GPC6: variants seen among roughly 807,000 people sequenced by gnomAD.
GPC6 encodes the protein glypican-6.
A neutral mutation model predicts 55.2 loss-of-function variants in GPC6; 14 were observed. The ratio of observed to expected loss-of-function variants is 0.25; its 90% CI spans 0.17 to 0.40. The LOEUF is 0.40. Among genes scored for constraint, GPC6 ranks in the 10% least tolerant of loss-of-function variants. The pLI is 1.00. For missense variants in GPC6, 641 were observed against 708.5 expected (o/e 0.90, Z 1.08); for synonymous variants, 278 against 259.6 (o/e 1.07, Z -0.68).
chr13:93,534,347 T>A (rs1045584937), intron 1 of GPC6, among the ~76,000 whole-genome samples: 25 of 152,096 alleles, frequency 1.6e-4, no homozygotes, highest in Non-Finnish European at 4.4e-5. Flanking sequence ...AAGCCAAAAG[T>A]TAGTTGGCTG....
intron 1 of GPC6, among the ~76,000 whole-genome samples, chr13:93,312,061 A>C (rs1268091203): frequency 6.6e-6 from 1 of 152,242 alleles, no homozygotes; most frequent in African/African-American, 2.4e-5. Flanking sequence ...TGGCTTAGAA[A>C]GTACATAAGC....
chr13:93,499,134 CAT>C (rs1244545888), intron 1 of GPC6, among the ~76,000 whole-genome samples: 6 of 151,134 alleles, frequency 4.0e-5, no homozygotes, highest in African/African-American at 7.3e-5. Flanking sequence ...CACATACACA[CAT>C]GTTTTGAGGG....
At chr13:94,078,854 TA>T (rs2138793286) in intron 4 of GPC6, among the ~76,000 whole-genome samples, 1 of 151,976 alleles carries the variant, frequency 6.6e-6, no homozygotes, top group East Asian at 1.9e-4. Context: ...CAAACCCTTT[TA>T]AAAAATTGGA....
At chr13:93,969,962 A>T (rs926557304) in intron 3 of GPC6, among the ~76,000 whole-genome samples, 9 of 152,120 alleles carry the variant, frequency 5.9e-5, no homozygotes, top group African/African-American at 2.2e-4. Flanking sequence ...ACCAGGTGTG[A>T]TTATGTTCAT....
At chr13:93,217,363 C>A in the GPC6 span, among the ~76,000 whole-genome samples, 1 of 152,126 alleles carries the variant, frequency 6.6e-6, no homozygotes, top group African/African-American at 2.4e-5. Flanking sequence ...TGAAATATTT[C>A]TTGGGCAAAT....
chr13:93,463,767 T>C (rs1878798353), intron 1 of GPC6, among the ~76,000 whole-genome samples: 1 of 151,664 alleles, frequency 6.6e-6, no homozygotes, highest in Non-Finnish European at 1.5e-5. Flanking sequence ...TCTTTTTTCA[T>C]ACAAAGACAG....
chr13:94,213,286 G>T (rs2138991706), intron 4 of GPC6, among the ~76,000 whole-genome samples: 1 of 152,218 alleles, frequency 6.6e-6, no homozygotes, highest in South Asian at 2.1e-4. Context: ...CATGACTAAG[G>T]TCAATAAAAA....
intron 1 of GPC6, among the ~76,000 whole-genome samples, chr13:93,243,734 T>C (rs1415398499): frequency 2.0e-5 from 3 of 151,466 alleles, no homozygotes; most frequent in Non-Finnish European, 4.4e-5. Flanking sequence ...TCCTCCTGGG[T>C]AGCTGGGGTG....
intron 1 of GPC6, among the ~76,000 whole-genome samples, chr13:93,238,887 T>C (rs927181439): frequency 4.6e-5 from 7 of 152,144 alleles, no homozygotes; most frequent in African/African-American, 1.4e-4. Context: ...TGTGGTGAAT[T>C]ACATTTGTTG....
At chr13:93,416,702 A>T (rs748051094) in intron 1 of GPC6, among the ~76,000 whole-genome samples, 1 of 151,872 alleles carries the variant, frequency 6.6e-6, no homozygotes. Context: ...TCAACCCTCC[A>T]CTACCCTTCC....
intron 3 of GPC6, among the ~76,000 whole-genome samples, chr13:93,853,384 C>A (rs2139015527): frequency 6.6e-6 from 1 of 151,702 alleles, no homozygotes; most frequent in South Asian, 2.1e-4. Flanking sequence ...TTCTCCACAA[C>A]AATTTCTTTG....
intron 1 of GPC6, among the ~76,000 whole-genome samples, chr13:93,423,146 CAT>C (rs1335476842): frequency 6.6e-6 from 1 of 152,132 alleles, no homozygotes; most frequent in Non-Finnish European, 1.5e-5. Context: ...ATATCTGCCT[CAT>C]ATGATTCTGT....
At chr13:93,220,783 A>G in the GPC6 span, among the ~76,000 whole-genome samples, 3 of 152,368 alleles carry the variant, frequency 2.0e-5, no homozygotes, top group South Asian at 2.1e-4. Flanking sequence ...ATTTAAATAT[A>G]TTTAATACCT....
At position 94,020,699 on chromosome 13, in the gene GPC6, G is replaced by A. The variant is rs80144556; in HGVS notation, c.712-7030G>A. Among the ~76,000 whole-genome samples, 882 of 152,106 alleles carry A rather than the reference G, an allele frequency of 5.8e-3. 4 individuals are homozygous for A. Among genetic ancestry groups the A allele is most frequent in the Non-Finnish European group, 0.01 (701 of 67,998 alleles). ...TCCTTTTATGGGTTCCCTTTACATT[G>A]CATTTCCCCAAGATAATAATTATTT... On this transcript the variant is annotated intron_variant, in intron 3 of 8. Coordinates refer to ENST00000377047, the MANE Select transcript of GPC6 (RefSeq NM_005708.5).
intron 1 of GPC6, among the ~76,000 whole-genome samples, chr13:93,378,646 T>C (rs1392783817): frequency 6.6e-6 from 1 of 152,200 alleles, no homozygotes; most frequent in Admixed American, 6.5e-5. Context: ...CTTATTATGA[T>C]CTTGACATAA....
intron 4 of GPC6, among the ~76,000 whole-genome samples, chr13:94,067,189 A>G (rs1161341150): frequency 6.6e-6 from 1 of 152,188 alleles, no homozygotes; most frequent in Non-Finnish European, 1.5e-5. Context: ...ACTGAACTCA[A>G]TATTAGGGTA....
chr13:94,252,069 A>G (rs933431921), intron 4 of GPC6, among the ~76,000 whole-genome samples: 1 of 152,086 alleles, frequency 6.6e-6, no homozygotes, highest in African/African-American at 2.4e-5. Context: ...AACTCCTGTC[A>G]TTCTAGAGAT....
chr13:94,129,493 C>T (rs1418749234), intron 4 of GPC6, among the ~76,000 whole-genome samples: 4 of 152,118 alleles, frequency 2.6e-5, no homozygotes, highest in Non-Finnish European at 4.4e-5. Flanking sequence ...GCAGCAGTAG[C>T]AGCAGTAACA....
At chr13:94,191,908 A>G (rs917195110) in intron 4 of GPC6, among the ~76,000 whole-genome samples, 5 of 152,226 alleles carry the variant, frequency 3.3e-5, no homozygotes, top group African/African-American at 7.2e-5. Context: ...CCTGGTGTAT[A>G]GAGAAGAAGC....
Sources: gnomAD v4.1 joint callset for allele counts (sites outside exome capture counted in the v4.1 genomes callset) on GRCh38, gnomAD v4.1.1 for gene constraint, MANE v1.5 for transcripts, NCBI Gene and HGNC (gene_info 2026-07-23, HGNC 2026-07-21) for gene names.